The following ZBTB24 variants were observed in gnomAD, a reference collection of about 807,000 sequenced individuals.
ZBTB24 encodes zinc finger and BTB domain-containing protein 24.
In ZBTB24, 32 loss-of-function variants were observed where a neutral mutation model predicts 53.8. The observed-to-expected ratio is 0.60, with a 90% CI of 0.45 to 0.80. The LOEUF is 0.80. ZBTB24 is among the 30% of genes least tolerant of loss of function. The pLI, the probability that ZBTB24 is intolerant of heterozygous loss-of-function variation, is 0.00. For missense variants in ZBTB24, 722 were observed against 837.1 expected (o/e 0.86, Z 1.70); for synonymous variants, 297 against 306.7 (o/e 0.97, Z 0.33).
At position 109,465,731 on chromosome 6, in the gene ZBTB24, C is replaced by T; in HGVS notation, c.*120G>A. 1 of 1,610,200 alleles carries T rather than the reference C, an allele frequency of 6.2e-7. No homozygotes were observed. Among genetic ancestry groups the T allele is most frequent in the Non-Finnish European group, 8.5e-7 (1 of 1,179,764 alleles). On this transcript the variant is annotated 3_prime_UTR_variant, in exon 7 of 7. Coordinates refer to ENST00000230122, the MANE Select transcript of ZBTB24 (RefSeq NM_014797.3). ...CATTATAAACATCAGTTAGCCATCA[C>T]AGCTCTCACAGAAGCATCTGCAAGT...
intron 2 of ZBTB24, among the ~76,000 whole-genome samples, chr6:109,480,050 G>A (rs1410481378): frequency 6.6e-6 from 1 of 151,914 alleles, no homozygotes; most frequent in African/African-American, 2.4e-5. Context: ...AGTCTTTAGG[G>A]AGCTTTTAAA....
rs547367901 is a variant in ZBTB24 at position 109,481,649 on chromosome 6, T to C, written c.378A>G (p.Thr126=). ...LKVYDLVKAY[T]DFQNNHSSPK... is the part of the protein sequence containing the mutation. The stretch of plus-strand genomic sequence containing the variant: ...GGGAGCTATGATTATTTTGGAAGTC[T>C]GTGTAAGCCTTTACCAGGTCATAGA... The change falls in exon 2 of 7, where the codon ACA becomes ACG. Residue 126 remains threonine (T), a synonymous_variant. Transcript: ENST00000230122. 42 of 1,614,232 alleles carry C rather than the reference T, an allele frequency of 2.6e-5. No homozygotes were observed. The South Asian group carries it at 4.5e-4, about 17-fold the overall frequency.
At chr6:109,479,972 A>G (rs1264737192) in intron 2 of ZBTB24, among the ~76,000 whole-genome samples, 1 of 152,012 alleles carries the variant, frequency 6.6e-6, no homozygotes, top group Non-Finnish European at 1.5e-5. Context: ...CAGTTCAACA[A>G]ATATTTCTCA....
chr6:109,476,337 A>T, intron 3 of ZBTB24, 79 bp from the exon 4 acceptor site: 1 of 1,458,742 alleles, frequency 6.9e-7, no homozygotes. Flanking sequence ...TAAATACTAC[A>T]GTGGGTCCAG....
chr6:109,474,744 A>AG (rs1776244647), intron 5 of ZBTB24, among the ~76,000 whole-genome samples: 1 of 151,638 alleles, frequency 6.6e-6, no homozygotes, highest in African/African-American at 2.4e-5. Context: ...AAAAAAAAAA[A>AG]AAAAATTTAT....
Position 109,481,664 on chromosome 6 carries a change from C to T in ZBTB24, c.363G>A (p.Leu121=). Reference sequence around the variant, plus strand: ...TTTGGAAGTCTGTGTAAGCCTTTACCAGGTCATAGACTTTTAAGAACTGAG... The same window carrying T: ...TTTGGAAGTCTGTGTAAGCCTTTACTAGGTCATAGACTTTTAAGAACTGAG... ...ATAQFLKVYD[L]VKAYTDFQNN... Residue 121 remains leucine, a synonymous_variant, in exon 2 of 7, where the codon CTG becomes CTA. Transcript: ENST00000230122. 1 of 1,614,162 alleles carries T rather than the reference C, an allele frequency of 6.2e-7. No individual in the cohort carries two copies. The highest frequency in any genetic ancestry group is 8.5e-7 in the Non-Finnish European group (1 of 1,180,036).
At chr6:109,472,409 T>G (rs1284890333) in intron 5 of ZBTB24, among the ~76,000 whole-genome samples, 1 of 152,192 alleles carries the variant, frequency 6.6e-6, no homozygotes, top group Non-Finnish European at 1.5e-5. Context: ...GAGAAGAGTT[T>G]GCTGGAATTA....
In ZBTB24 at chr6:109,481,817, C is replaced by A. The variant is rs1776423799; in HGVS notation, c.210G>T (p.Gly70=). Residue 70 remains glycine (G), a synonymous_variant, in exon 2 of 7, where the codon GGG becomes GGT. Coordinates refer to ENST00000230122, the MANE Select transcript of ZBTB24 (RefSeq NM_014797.3). The part of the protein sequence containing the change: ...EYFSMMFAEE[G]EIGQSIYMLE... ...GCATATAAATGGATTGGCCGATTTC[C>A]CCCTCTTCTGCAAACATCATTGAGA... is the stretch of plus-strand genomic sequence containing the variant. The A allele has an allele frequency of 6.2e-7, 1 of 1,614,186 alleles. No individual in the cohort carries two copies. The highest frequency in any genetic ancestry group is 1.7e-5 in the Admixed American group (1 of 60,020).
Position 109,476,244 on chromosome 6 carries a change from TAA to T in ZBTB24, c.1133_1134del (p.Phe378TyrfsTer3). On this transcript the variant is annotated frameshift_variant, in exon 4 of 7. Coordinates refer to ENST00000230122, the MANE Select transcript of ZBTB24 (RefSeq NM_014797.3). LOFTEE classifies it high-confidence loss of function. ...HMSLHSGQKS[F>X]TCDQCGKYFS... ...AAATATTTTCCGCATTGATCACAGG[TAA>T]AAGACTTCTGTCCTGCCAAAAAAAC... 2 of 1,614,096 alleles carry T rather than the reference TAA, an allele frequency of 1.2e-6. No individual in the cohort carries two copies. Among genetic ancestry groups the T allele is most frequent in the Non-Finnish European group, 1.7e-6 (2 of 1,180,020 alleles).
chr6:109,482,803 T>C (rs1249569292), intron 1 of ZBTB24, among the ~76,000 whole-genome samples: 2 of 152,236 alleles, frequency 1.3e-5, no homozygotes, highest in Non-Finnish European at 2.9e-5. Flanking sequence ...AGCCATTTCG[T>C]ATGTGGGAAC....
chr6:109,476,934 G>C lies in ZBTB24; in HGVS notation c.953-4C>G, dbSNP rs777563877. On this transcript the variant is annotated splice_region_variant and splice_polypyrimidine_tract_variant and intron_variant, in intron 2 of 6. Coordinates refer to ENST00000230122, the MANE Select transcript of ZBTB24 (RefSeq NM_014797.3). ...TTACATTTGAAAGGTCGCTCCCCTG[G>C]AAGAAGAGCCCCAGAAGCATGGTAT... is the stretch of plus-strand genomic sequence containing the variant. The C allele has an allele frequency of 6.8e-6, 11 of 1,613,760 alleles. No individual in the cohort carries two copies. In the South Asian group the frequency reaches 7.7e-5, roughly 11 times the overall value.
chr6:109,478,302 T>C (rs1483935141), intron 2 of ZBTB24, among the ~76,000 whole-genome samples: 3 of 152,198 alleles, frequency 2.0e-5, no homozygotes, highest in Non-Finnish European at 4.4e-5. Context: ...CCTACGTCTT[T>C]AGAGGAATGC....
intron 2 of ZBTB24, among the ~76,000 whole-genome samples, chr6:109,479,606 T>C (rs1157619505): frequency 3.3e-5 from 5 of 152,200 alleles, no homozygotes; most frequent in African/African-American, 9.7e-5. Context: ...CTCTAAACTA[T>C]GCACATAAAA....
chr6:109,468,461 G>A (rs150546292), intron 5 of ZBTB24, among the ~76,000 whole-genome samples: 2 of 151,808 alleles, frequency 1.3e-5, no homozygotes, highest in African/African-American at 4.8e-5. Flanking sequence ...ATCTCAGGGT[G>A]TCTCCCAGCA....
Position 109,465,784 on chromosome 6 carries a change from CG to C in ZBTB24, c.*66del. 6.2e-7 allele frequency: 1 copy of C among 1,613,922 alleles called. No individual in the cohort carries two copies. On this transcript the variant is annotated 3_prime_UTR_variant, in exon 7 of 7. Coordinates refer to ENST00000230122, the MANE Select transcript of ZBTB24 (RefSeq NM_014797.3). ...ATGGTGTGGAGAGCCTGATTTCAAG[CG>C]TTCAAAATCCAGTCAGAGCTGGCTT...
At position 109,465,571 on chromosome 6, in the gene ZBTB24, C is replaced by T; in HGVS notation, c.*280G>A. 7.4e-7 allele frequency: 1 copy of T among 1,346,818 alleles called. No homozygotes were observed. The highest frequency in any genetic ancestry group is 1.0e-6 in the Non-Finnish European group (1 of 986,518). 83.4% of individuals were successfully genotyped at this position (1,346,818 alleles called of 1,614,324 possible). A position where few individuals can be genotyped will look rare whatever the true frequency, so the allele number is the denominator to read the frequency against. ...CTTACAGAAAAACTGAGATCAATGCCCCCAAAGAAAAACTACCCGAGTCTT... is the reference window on the plus strand; with the variant it reads ...CTTACAGAAAAACTGAGATCAATGCTCCCAAAGAAAAACTACCCGAGTCTT... On this transcript the variant is annotated 3_prime_UTR_variant, in exon 7 of 7. Transcript: ENST00000230122.
chr6:109,464,832 A>G lies in ZBTB24; in HGVS notation c.*1019T>C, dbSNP rs1775994988. 1.3e-5 allele frequency: 2 copies of G among 152,210 alleles called. No individual in the cohort carries two copies. The highest frequency in any genetic ancestry group is 4.8e-5 in the African/African-American group (2 of 41,456). The allele number at this position is 152,210 out of a possible 1,614,324, so 9.4% of individuals were successfully genotyped here. A position where few individuals can be genotyped will look rare whatever the true frequency, so the allele number is the denominator to read the frequency against. On this transcript the variant is annotated 3_prime_UTR_variant, in exon 7 of 7. Coordinates refer to ENST00000230122, the MANE Select transcript of ZBTB24 (RefSeq NM_014797.3). ...AAAAAAGGAAAGATTAGGAGAAGAT[A>G]TTCACTTTGTGGGATTTAACTAGTC...
intron 1 of ZBTB24, among the ~76,000 whole-genome samples, chr6:109,482,380 C>T (rs1345450958): frequency 6.6e-6 from 1 of 152,076 alleles, no homozygotes; most frequent in Non-Finnish European, 1.5e-5. Context: ...GCAGGAGCAT[C>T]ACCTGAGCCT....
intron 2 of ZBTB24, among the ~76,000 whole-genome samples, chr6:109,480,646 A>G (rs1266167376): frequency 6.6e-6 from 1 of 152,238 alleles, no homozygotes; most frequent in East Asian, 1.9e-4. Flanking sequence ...AAGATGAAGA[A>G]TGTTCAAGAA....
Sources: allele counts gnomAD v4.1 joint callset (sites outside exome capture counted in the v4.1 genomes callset), GRCh38; gene constraint gnomAD v4.1.1; transcripts MANE v1.5; gene names NCBI Gene and HGNC (gene_info 2026-07-23, HGNC 2026-07-21).